The following BCAS3 variants were observed in gnomAD, a reference collection of about 807,000 sequenced individuals.
BCAS3 encodes BCAS4/BCAS3 fusion.
In BCAS3, 53 loss-of-function variants were observed where a neutral mutation model predicts 116.1. That is an observed-to-expected ratio of 0.46 (90% CI 0.37 to 0.57). BCAS3 has a LOEUF of 0.57. Among genes scored for constraint, BCAS3 ranks in the 20% least tolerant of loss-of-function variants. The pLI is 0.00. For missense variants in BCAS3, 917 were observed against 1,165.4 expected, an observed-to-expected ratio of 0.79 and a Z score of 3.10; for synonymous variants, 391 against 408.2, an observed-to-expected ratio of 0.96 and a Z score of 0.51.
rs763828949 is a variant in BCAS3, at chr17:61,208,824, A to G, written c.2425+124260A>G. Among the ~76,000 whole-genome samples, 12 of 151,410 alleles carry G rather than the reference A, an allele frequency of 7.9e-5. No individual in the cohort carries two copies. The highest frequency in any genetic ancestry group is 1.2e-4 in the Non-Finnish European group (8 of 67,908). ...CTCTGCAAACTTGCAGTGCAAGTCT[A>G]TGATATAAGTGGTGTAGAGTGGTTT... On this transcript the variant is annotated intron_variant, in intron 22 of 23. Coordinates refer to ENST00000407086, the MANE Select transcript of BCAS3 (RefSeq NM_017679.5). The surrounding 1 kb of genome is among the most constrained non-coding windows in gnomAD (Gnocchi z 4.5).
intron 7 of BCAS3, among the ~76,000 whole-genome samples, chr17:60,826,176 G>A (rs777315991): frequency 5.3e-5 from 8 of 151,414 alleles, no homozygotes; most frequent in Non-Finnish European, 1.2e-4. Context: ...ATTTTTGATT[G>A]ATTAATTAAT....
chr17:61,389,771 G>C (rs1465467362), intron 23 of BCAS3: 2 of 152,362 alleles, frequency 1.3e-5, no homozygotes, highest in East Asian at 1.9e-4. Context: ...CTGCACTGTG[G>C]TGTGATGGGC....
At chr17:60,915,938 C>T (rs1167734176) in intron 12 of BCAS3, among the ~76,000 whole-genome samples, 1 of 152,088 alleles carries the variant, frequency 6.6e-6, no homozygotes, top group African/African-American at 2.4e-5. Flanking sequence ...CCACCTCAGC[C>T]TCCCAAAGGG....
intron 22 of BCAS3, among the ~76,000 whole-genome samples, chr17:61,294,693 A>G (rs2052733016): frequency 6.6e-6 from 1 of 152,126 alleles, no homozygotes; most frequent in African/African-American, 2.4e-5. Flanking sequence ...CTGTCCCTGT[A>G]TTTGTCTGGA....
chr17:60,735,288 C>G (rs2040846625), intron 5 of BCAS3, among the ~76,000 whole-genome samples: 1 of 151,638 alleles, frequency 6.6e-6, no homozygotes, highest in Non-Finnish European at 1.5e-5. Flanking sequence ...TCTTTCTTTC[C>G]CATTTTTATA....
chr17:61,135,996 C>T (rs778205760), intron 22 of BCAS3: 30 of 160,700 alleles, frequency 1.9e-4, no homozygotes, highest in Non-Finnish European at 3.5e-4. Flanking sequence ...GCTGCTGCTG[C>T]TCCTGTTTCC....
chr17:61,009,637 CTCT>C (rs1179452359), intron 15 of BCAS3, among the ~76,000 whole-genome samples: 1 of 151,950 alleles, frequency 6.6e-6, no homozygotes, highest in African/African-American at 2.4e-5. Flanking sequence ...TTTATTTTCC[CTCT>C]TCTTGTTTGT....
At position 61,128,784 on chromosome 17, in the gene BCAS3, G is replaced by A. The variant is rs1327743854; in HGVS notation, c.2425+44220G>A. On this transcript the variant is annotated intron_variant, in intron 22 of 23. Coordinates refer to ENST00000407086, the MANE Select transcript of BCAS3 (RefSeq NM_017679.5). The surrounding 1 kb of genome is among the most constrained non-coding windows in gnomAD (Gnocchi z 4.1). ...TTTTTCCCCCAGGAAAAAAAAATCG[G>A]CAACTTTTGGTCTGTCACAAGGTCA... Among the ~76,000 whole-genome samples, 1 of 152,108 alleles carries A rather than the reference G, an allele frequency of 6.6e-6. No individual in the cohort carries two copies. Among genetic ancestry groups the A allele is most frequent in the Non-Finnish European group, 1.5e-5 (1 of 68,026 alleles).
intron 22 of BCAS3, among the ~76,000 whole-genome samples, chr17:61,246,420 C>T (rs1050630919): frequency 3.0e-5 from 4 of 134,270 alleles, no homozygotes; most frequent in African/African-American, 5.9e-5. Context: ...TGCTAAGACT[C>T]GAGATGGTGC....
At chr17:60,816,981 G>C (rs1282269290) in intron 7 of BCAS3, among the ~76,000 whole-genome samples, 1 of 152,070 alleles carries the variant, frequency 6.6e-6, no homozygotes, top group East Asian at 1.9e-4. Context: ...TTCCCCCACT[G>C]GCCCCTCAAC....
chr17:60,993,709 G>A lies in BCAS3; in HGVS notation c.1486+3474G>A, dbSNP rs1178906770. ...CAAAAACAATGTAAACCATTGAACAGGGAGGGATTCATCTTGAAAATGAAT... is the reference window on the plus strand; with the variant it reads ...CAAAAACAATGTAAACCATTGAACAAGGAGGGATTCATCTTGAAAATGAAT... On this transcript the variant is annotated intron_variant, in intron 15 of 23. Coordinates refer to ENST00000407086, the MANE Select transcript of BCAS3 (RefSeq NM_017679.5). The surrounding 1 kb of genome is among the most constrained non-coding windows in gnomAD (Gnocchi z 4.2). Among the ~76,000 whole-genome samples, 2 of 152,124 alleles carry A rather than the reference G, an allele frequency of 1.3e-5. No homozygotes were observed. Among genetic ancestry groups the A allele is most frequent in the Non-Finnish European group, 2.9e-5 (2 of 67,984 alleles).
chr17:61,054,406 C>T (rs986461324), intron 19 of BCAS3, among the ~76,000 whole-genome samples: 1 of 152,078 alleles, frequency 6.6e-6, no homozygotes, highest in Non-Finnish European at 1.5e-5. Context: ...ACTCTCTTGC[C>T]CCCAGGCTGG....
intron 9 of BCAS3, among the ~76,000 whole-genome samples, chr17:60,882,269 C>T (rs1045826991): frequency 3.3e-5 from 5 of 151,578 alleles, no homozygotes; most frequent in African/African-American, 1.2e-4. Flanking sequence ...ATGTCCTTTG[C>T]CCACTTTTTG....
At chr17:60,968,379 C>G (rs1312587251) in intron 14 of BCAS3, among the ~76,000 whole-genome samples, 2 of 152,054 alleles carry the variant, frequency 1.3e-5, no homozygotes, top group African/African-American at 4.8e-5. Flanking sequence ...CCATACCTGG[C>G]TAACTTTAAA....
At chr17:60,904,912 A>G (rs757975397) in intron 11 of BCAS3, among the ~76,000 whole-genome samples, 16 of 152,234 alleles carry the variant, frequency 1.1e-4, no homozygotes, top group Non-Finnish European at 1.9e-4. Flanking sequence ...TTTAAGAATA[A>G]ACAATGGCAA....
At chr17:61,225,663 C>T (rs1210567425) in intron 22 of BCAS3, among the ~76,000 whole-genome samples, 1 of 152,024 alleles carries the variant, frequency 6.6e-6, no homozygotes, top group Non-Finnish European at 1.5e-5. Flanking sequence ...CTGCTTAAAG[C>T]GTCTAATTGA....
rs1406588592 is a variant in BCAS3, at chr17:61,300,654, T to C, written c.2426-67673T>C. On this transcript the variant is annotated intron_variant, in intron 22 of 23. Transcript: ENST00000407086. The surrounding 1 kb of genome is among the most constrained non-coding windows in gnomAD (Gnocchi z 5.1). ...CACTCAAACAATGAGAGAAGAAATG[T>C]ACAAAATGTGGAACTCTCTGCATTA... Among the ~76,000 whole-genome samples the C allele has an allele frequency of 6.6e-6, 1 of 152,216 alleles. No individual in the cohort carries two copies. The highest frequency in any genetic ancestry group is 1.5e-5 in the Non-Finnish European group (1 of 68,024).
At chr17:61,165,902 T>C (rs1422305348) in intron 22 of BCAS3, among the ~76,000 whole-genome samples, 3 of 152,154 alleles carry the variant, frequency 2.0e-5, no homozygotes, top group African/African-American at 4.8e-5. Flanking sequence ...AAATGGAGGC[T>C]TAGAGATGTT....
At chr17:61,247,981 A>T (rs2048106166) in intron 22 of BCAS3, among the ~76,000 whole-genome samples, 1 of 152,194 alleles carries the variant, frequency 6.6e-6, no homozygotes, top group Non-Finnish European at 1.5e-5. Context: ...TCACATTGGA[A>T]CTTTGTTCCT....
Sources: allele counts gnomAD v4.1 joint callset (sites outside exome capture counted in the v4.1 genomes callset), GRCh38; gene constraint gnomAD v4.1.1; non-coding constraint Gnocchi (gnomAD v3.1); transcripts MANE v1.5; gene names NCBI Gene and HGNC (gene_info 2026-07-23, HGNC 2026-07-21).